CNTNAP2: variants seen among roughly 807,000 people sequenced by gnomAD.
The protein encoded by CNTNAP2 is contactin associated protein 2, also known as contactin-associated protein-like 2.
A neutral mutation model predicts 155.2 loss-of-function variants in CNTNAP2; 98 were observed. That is an observed-to-expected ratio of 0.63 (90% confidence interval 0.54 to 0.75). CNTNAP2 has a LOEUF of 0.75. Among genes scored for constraint, CNTNAP2 ranks in the 30% least tolerant of loss-of-function variants. The pLI is 0.00. For missense variants in CNTNAP2, 1,727 were observed against 1,688.1 expected (o/e 1.02, Z -0.40); for synonymous variants, 651 against 631.2 (o/e 1.03, Z -0.47).
intron 3 of CNTNAP2, among the ~76,000 whole-genome samples, chr7:146,864,127 C>T (rs970017872): frequency 4.0e-5 from 6 of 151,592 alleles, no homozygotes; most frequent in Non-Finnish European, 8.8e-5. Context: ...TAATGTAGAG[C>T]ATTAGCATAT....
At chr7:146,668,133 T>A (rs988526426) in intron 1 of CNTNAP2, among the ~76,000 whole-genome samples, 2 of 151,886 alleles carry the variant, frequency 1.3e-5, no homozygotes, top group Non-Finnish European at 2.9e-5. Context: ...TTTATTATTT[T>A]GAGGTAATTT....
At chr7:147,247,227 GTAATAC>G (rs1804088229) in intron 8 of CNTNAP2, among the ~76,000 whole-genome samples, 1 of 152,122 alleles carries the variant, frequency 6.6e-6, no homozygotes, top group African/African-American at 2.4e-5. Context: ...GGGGTTCTTA[GTAATAC>G]AAATGAGTAA....
At chr7:147,782,574 T>G (rs1295934001) in intron 13 of CNTNAP2, among the ~76,000 whole-genome samples, 3 of 152,290 alleles carry the variant, frequency 2.0e-5, no homozygotes, top group South Asian at 4.2e-4. Context: ...AAAGAAGCTC[T>G]CTCAGGCCTC....
intron 21 of CNTNAP2, among the ~76,000 whole-genome samples, chr7:148,363,918 T>G (rs1798676878): frequency 6.6e-6 from 1 of 151,832 alleles, no homozygotes; most frequent in Non-Finnish European, 1.5e-5. Flanking sequence ...CAGCCAGCCC[T>G]GCTGGCCCCG....
intron 1 of CNTNAP2, among the ~76,000 whole-genome samples, chr7:146,542,449 A>G (rs1797966574): frequency 6.6e-6 from 1 of 151,938 alleles, no homozygotes; most frequent in Non-Finnish European, 1.5e-5. Flanking sequence ...TCTGGCAGAA[A>G]CCATCTAGAC....
At chr7:147,123,599 C>T (rs965925806) in intron 6 of CNTNAP2, among the ~76,000 whole-genome samples, 1 of 152,246 alleles carries the variant, frequency 6.6e-6, no homozygotes, top group Admixed American at 6.5e-5. Flanking sequence ...GGTAGACTTA[C>T]CATTTCTGGC....
intron 1 of CNTNAP2, among the ~76,000 whole-genome samples, chr7:146,187,393 C>A (rs1303211694): frequency 6.6e-6 from 1 of 152,106 alleles, no homozygotes; most frequent in Non-Finnish European, 1.5e-5. Flanking sequence ...CCACTGAGAG[C>A]CGAAGAAGAG....
rs78228637 is a variant in CNTNAP2, at chr7:146,713,290, C to T, written c.98-60981C>T. Among the ~76,000 whole-genome samples, 386 of 152,222 alleles carry T rather than the reference C, an allele frequency of 2.5e-3. 8 individuals are homozygous for T. In the East Asian group the frequency reaches 0.058, roughly 23 times the overall value. ...GGAAGAAATCTATATGGAAGCCAAA[C>T]AATCACTGCTTCCTGACAGCTGCAG... On this transcript the variant is annotated intron_variant, in intron 1 of 23. Coordinates refer to ENST00000361727, the MANE Select transcript of CNTNAP2 (RefSeq NM_014141.6).
At chr7:148,269,495 G>A (rs964965260) in intron 21 of CNTNAP2, among the ~76,000 whole-genome samples, 2 of 152,158 alleles carry the variant, frequency 1.3e-5, no homozygotes, top group African/African-American at 2.4e-5. Context: ...AGAAACAAAC[G>A]TCACAACAAT....
intron 1 of CNTNAP2, among the ~76,000 whole-genome samples, chr7:146,423,849 T>C (rs1002898335): frequency 2.6e-5 from 4 of 152,198 alleles, no homozygotes; most frequent in Non-Finnish European, 5.9e-5. Context: ...TATAAGAAGA[T>C]AGGCTTTAGT....
intron 1 of CNTNAP2, among the ~76,000 whole-genome samples, chr7:146,691,272 T>G (rs561668727): frequency 3.9e-4 from 60 of 152,080 alleles, no homozygotes; most frequent in Non-Finnish European, 7.4e-4. Flanking sequence ...GAGAAAAACA[T>G]GTAAAGATGC....
At chr7:147,112,403 C>T (rs549448552) in intron 5 of CNTNAP2, among the ~76,000 whole-genome samples, 5 of 152,246 alleles carry the variant, frequency 3.3e-5, no homozygotes, top group Admixed American at 6.5e-5. Context: ...ATAGCCAATA[C>T]TGTGTTGAAT....
rs192878887 is a variant in CNTNAP2 at position 146,971,995 on chromosome 7, A to T, written c.403-71912A>T. Among the ~76,000 whole-genome samples, 349 of 152,226 alleles carry T rather than the reference A, an allele frequency of 2.3e-3. 3 individuals are homozygous for T. The highest frequency in any genetic ancestry group is 4.9e-4 in the Non-Finnish European group (33 of 68,030). On this transcript the variant is annotated intron_variant, in intron 3 of 23. Transcript: ENST00000361727. Reference sequence around the variant, plus strand: ...CTTCGTGCATTTTCCCATATATGCTATTTTACTTCCATCTGTACTTGAATT... The same window carrying T: ...CTTCGTGCATTTTCCCATATATGCTTTTTTACTTCCATCTGTACTTGAATT...
In CNTNAP2 at chr7:146,603,474, T is replaced by C. The variant is rs553121673; in HGVS notation, c.98-170797T>C. 7.3e-3 allele frequency among the ~76,000 whole-genome samples: 1,089 copies of C among 149,748 alleles called. 30 individuals are homozygous for C. The highest frequency in any genetic ancestry group is 0.012 in the Non-Finnish European group (777 of 67,458). ...CATGCTCATGGGTAGGAAGAATCAA[T>C]ATCGTGAAAATGGCCATACTGCCCA... On this transcript the variant is annotated intron_variant, in intron 1 of 23. Transcript: ENST00000361727.
chr7:147,108,139 T>C lies in CNTNAP2; in HGVS notation c.551-8T>C. 1.9e-6 allele frequency: 3 copies of C among 1,611,654 alleles called. No individual in the cohort carries two copies. In the South Asian group the frequency reaches 3.3e-5, roughly 18 times the overall value. ...TGAACTAATATGTTATTTTTTTTTTTGTTTTAGGGGCTGATGTTATCAACT... is the reference window on the plus strand; with the variant it reads ...TGAACTAATATGTTATTTTTTTTTTCGTTTTAGGGGCTGATGTTATCAACT... On this transcript the variant is annotated splice_region_variant and splice_polypyrimidine_tract_variant and intron_variant, in intron 4 of 23. Coordinates refer to ENST00000361727, the MANE Select transcript of CNTNAP2 (RefSeq NM_014141.6).
chr7:147,364,830 C>A lies in CNTNAP2; in HGVS notation c.1499-30779C>A, dbSNP rs550442262. On this transcript the variant is annotated intron_variant, in intron 9 of 23. Coordinates refer to ENST00000361727, the MANE Select transcript of CNTNAP2 (RefSeq NM_014141.6). The stretch of plus-strand genomic sequence containing the variant: ...CGCCACTGCACTCCAGCCTGGGCGA[C>A]GGAGTGAGACTCAGTCTCGGGAAAA... Among the ~76,000 whole-genome samples the A allele has an allele frequency of 4.2e-4, 62 of 148,752 alleles. 1 individual carries two copies. Among genetic ancestry groups the A allele is most frequent in the African/African-American group, 1.5e-3 (61 of 40,158 alleles).
At chr7:146,912,316 T>C (rs533683176) in intron 3 of CNTNAP2, among the ~76,000 whole-genome samples, 117 of 151,132 alleles carry the variant, frequency 7.7e-4, no homozygotes, top group African/African-American at 2.5e-3. Flanking sequence ...CCTTCACACC[T>C]ATTAAGTTGA....
chr7:147,899,431 A>G (rs879887222), intron 13 of CNTNAP2, among the ~76,000 whole-genome samples: 6 of 152,210 alleles, frequency 3.9e-5, no homozygotes, highest in Admixed American at 6.5e-5. Context: ...GTTGCTAATC[A>G]GTGGGCATAA....
At chr7:146,640,888 A>G (rs1204429265) in intron 1 of CNTNAP2, among the ~76,000 whole-genome samples, 1 of 152,228 alleles carries the variant, frequency 6.6e-6, no homozygotes, top group East Asian at 1.9e-4. Context: ...TGTGGAAAGA[A>G]TAATAAACAA....
Sources: gnomAD v4.1 joint callset for allele counts (sites outside exome capture counted in the v4.1 genomes callset) on GRCh38, gnomAD v4.1.1 for gene constraint, MANE v1.5 for transcripts, NCBI Gene and HGNC (gene_info 2026-07-23, HGNC 2026-07-21) for gene names.